FBLN7: variants seen among roughly 807,000 people sequenced by gnomAD.
FBLN7 encodes fibulin-7.
Under a neutral mutation model 44.0 loss-of-function variants are expected in FBLN7, and 31 were observed. The ratio of observed to expected loss-of-function variants is 0.70; its 90% CI spans 0.53 to 0.95. FBLN7 has a LOEUF of 0.95. Ranked by LOEUF, FBLN7 falls within the 40% of genes least tolerant of loss-of-function variation. FBLN7 has a pLI of 0.00. For missense variants in FBLN7, 573 were observed against 618.5 expected, an observed-to-expected ratio of 0.93 and a Z score of 0.78; for synonymous variants, 262 against 253.4, an observed-to-expected ratio of 1.03 and a Z score of -0.32.
chr2:112,169,110 A>G (rs1379374814), intron 3 of FBLN7, among the ~76,000 whole-genome samples: 1 of 152,044 alleles, frequency 6.6e-6, no homozygotes, highest in African/African-American at 2.4e-5. Flanking sequence ...ATCTCTACTA[A>G]AAAATACAAA....
In FBLN7 at chr2:112,181,831, G is replaced by A. The variant is rs1683014250; in HGVS notation, c.625G>A (p.Ala209Thr). Reference protein sequence around the residue: ...VERAQHCSCEAGFHLSGAAGD... With the variant: ...VERAQHCSCETGFHLSGAAGD... Reference sequence around the variant, plus strand: ...GCGGGCTCAGCACTGCAGCTGCGAGGCCGGATTCCACCTGAGCGGCGCCGC... The same window carrying A: ...GCGGGCTCAGCACTGCAGCTGCGAGACCGGATTCCACCTGAGCGGCGCCGC... Residue 209 changes from alanine to threonine, a missense_variant, in exon 5 of 8, where the codon GCC (alanine) becomes ACC (threonine). By Grantham distance (58) the Ala-to-Thr change is moderately conservative (BLOSUM62 0). Coordinates refer to ENST00000331203, the MANE Select transcript of FBLN7 (RefSeq NM_153214.3). 2.0e-6 allele frequency: 3 copies of A among 1,522,384 alleles called. No homozygotes were observed. The highest frequency in any genetic ancestry group is 1.8e-6 in the Non-Finnish European group (2 of 1,141,050). 94.3% of individuals were successfully genotyped at this position (1,522,384 alleles called of 1,614,324 possible).
chr2:112,222,891 T>C, the FBLN7 span, among the ~76,000 whole-genome samples: 3 of 152,232 alleles, frequency 2.0e-5, no homozygotes, highest in African/African-American at 7.2e-5. Flanking sequence ...GAACTTAACA[T>C]TACTTAATTG....
At chr2:112,231,351 CAACT>C in the FBLN7 span, among the ~76,000 whole-genome samples, 1 of 152,112 alleles carries the variant, frequency 6.6e-6, no homozygotes, top group Non-Finnish European at 1.5e-5. Flanking sequence ...AGACTAGCTC[CAACT>C]AACATGAGAA....
chr2:112,243,601 A>G, the FBLN7 span, among the ~76,000 whole-genome samples: 2 of 151,504 alleles, frequency 1.3e-5, no homozygotes, highest in African/African-American at 4.9e-5. Context: ...CATTCTTCTC[A>G]TTAGAATCGT....
Position 112,139,980 on chromosome 2 carries a change from C to G in FBLN7, c.75+1250C>G, listed in dbSNP as rs373689432. On this transcript the variant is annotated intron_variant, in intron 1 of 7. Coordinates refer to ENST00000331203, the MANE Select transcript of FBLN7 (RefSeq NM_153214.3). Reference sequence around the variant, plus strand: ...ACGCCAGTGTCCCTCCCGCCTCTCTCCAGGCCAGCGTCCCTCCCGCCTCTC... The same window carrying G: ...ACGCCAGTGTCCCTCCCGCCTCTCTGCAGGCCAGCGTCCCTCCCGCCTCTC... Among the ~76,000 whole-genome samples the G allele has an allele frequency of 1.4e-4, 11 of 79,564 alleles. No homozygotes were observed. In the East Asian group the frequency reaches 4.6e-3, roughly 33 times the overall value. The allele number at this position is 79,564 out of a possible 152,430, so 52.2% of individuals were successfully genotyped here. A position where few individuals can be genotyped will look rare whatever the true frequency, so the allele number is the denominator to read the frequency against.
the FBLN7 span, among the ~76,000 whole-genome samples, chr2:112,218,523 A>G: frequency 6.6e-6 from 1 of 152,342 alleles, no homozygotes; most frequent in East Asian, 1.9e-4. Flanking sequence ...ACAGTCTAAA[A>G]AGGAAATTAA....
the FBLN7 span, chr2:112,212,696 G>C: frequency 7.2e-5 from 11 of 152,156 alleles, no homozygotes; most frequent in Non-Finnish European, 1.5e-4. Flanking sequence ...GTTTTCTTCA[G>C]CTAGCACCCC....
intron 2 of FBLN7, among the ~76,000 whole-genome samples, chr2:112,160,788 ACACGCACACACG>A (rs1216729829): frequency 5.9e-4 from 83 of 140,988 alleles, no homozygotes; most frequent in African/African-American, 2.2e-3. Context: ...ACACGCACGC[ACACGCACACACG>A]CACGCACACA....
At chr2:112,193,260 G>A in the FBLN7 span, among the ~76,000 whole-genome samples, 11 of 152,178 alleles carry the variant, frequency 7.2e-5, no homozygotes, top group Middle Eastern at 3.2e-3. Context: ...GGCCAACATG[G>A]TGAAACTCCA....
intron 3 of FBLN7, among the ~76,000 whole-genome samples, chr2:112,175,047 A>T (rs994862460): frequency 6.6e-6 from 1 of 152,218 alleles, no homozygotes. Context: ...TTAAAATAAC[A>T]ATCTCTCTCT....
At position 112,157,864 on chromosome 2, in the gene FBLN7, G is replaced by A. The variant is rs555246781; in HGVS notation, c.76-1812G>A. Among the ~76,000 whole-genome samples, 110 of 150,998 alleles carry A rather than the reference G, an allele frequency of 7.3e-4. 1 individual carries two copies. Among genetic ancestry groups the A allele is most frequent in the African/African-American group, 2.6e-3 (109 of 41,238 alleles). ...ATCCCAAAGTGCTAGGATTACAGGC[G>A]TGAGCCACCGCACCCAGCCTGTCCT... On this transcript the variant is annotated intron_variant, in intron 1 of 7. Transcript: ENST00000331203.
chr2:112,242,411 C>T, the FBLN7 span, among the ~76,000 whole-genome samples: 1 of 152,232 alleles, frequency 6.6e-6, no homozygotes, highest in East Asian at 1.9e-4. Context: ...TTTGCTACAA[C>T]AGCAGAGCTG....
At chr2:112,167,182 G>A (rs548810701) in intron 3 of FBLN7, among the ~76,000 whole-genome samples, 11 of 152,264 alleles carry the variant, frequency 7.2e-5, no homozygotes, top group African/African-American at 1.2e-4. Context: ...CCTCAATGGC[G>A]ACATACTACA....
chr2:112,242,634 C>T, the FBLN7 span, among the ~76,000 whole-genome samples: 215 of 152,286 alleles, frequency 1.4e-3, no homozygotes, highest in African/African-American at 4.9e-3. Flanking sequence ...TCAAGTCAGA[C>T]GGCAAATCAC....
At chr2:112,230,853 T>C in the FBLN7 span, 1 of 1,217,476 alleles carries the variant, frequency 8.2e-7, no homozygotes, top group Non-Finnish European at 1.1e-6. Context: ...TGCCAACTTC[T>C]GGAGATGTTC....
the FBLN7 span, among the ~76,000 whole-genome samples, chr2:112,196,062 A>G: frequency 1.8e-4 from 28 of 152,200 alleles, no homozygotes; most frequent in Non-Finnish European, 1.0e-4. Flanking sequence ...CATATGGCCA[A>G]TGGCCCCACT....
chr2:112,181,863 C>A lies in FBLN7; in HGVS notation c.657C>A (p.Asp219Glu), dbSNP rs1440104159. 6.5e-7 allele frequency: 1 copy of A among 1,530,440 alleles called. No individual in the cohort carries two copies. Among genetic ancestry groups the A allele is most frequent in the Non-Finnish European group, 8.7e-7 (1 of 1,144,120 alleles). The allele number at this position is 1,530,440 out of a possible 1,614,324, so 94.8% of individuals were successfully genotyped here. Residue 219 changes from aspartate (D) to glutamate (E), a missense_variant, in exon 5 of 8, where the codon GAC becomes GAA. Asp to Glu is a conservative substitution (Grantham distance 45, BLOSUM62 2). Transcript: ENST00000331203. Reference protein sequence around the residue: ...AGFHLSGAAGDSVCQDVNECE... With the variant: ...AGFHLSGAAGESVCQDVNECE... ...TCCACCTGAGCGGCGCCGCCGGCGA[C>A]AGCGTCTGCCAGGGTAGGCGCGGGC...
intron 1 of FBLN7, among the ~76,000 whole-genome samples, chr2:112,147,638 C>G (rs1319412450): frequency 6.6e-6 from 1 of 152,156 alleles, no homozygotes; most frequent in Non-Finnish European, 1.5e-5. Context: ...GGCTCGTGGC[C>G]CTGCGGCTAC....
intron 1 of FBLN7, among the ~76,000 whole-genome samples, chr2:112,155,543 C>A (rs1303081971): frequency 1.3e-5 from 2 of 152,256 alleles, no homozygotes; most frequent in Non-Finnish European, 2.9e-5. Context: ...GCCACAGCCT[C>A]CTCACCTTCC....
Sources: gnomAD v4.1 joint callset for allele counts (sites outside exome capture counted in the v4.1 genomes callset) on GRCh38, gnomAD v4.1.1 for gene constraint, MANE v1.5 for transcripts, NCBI Gene and HGNC (gene_info 2026-07-23, HGNC 2026-07-21) for gene names.